SNRK: variants seen among roughly 807,000 people sequenced by gnomAD.
SNRK encodes the protein SNF-related serine/threonine-protein kinase.
SNRK carries 3 observed loss-of-function variants against 48.2 expected under a neutral mutation model. The ratio of observed to expected loss-of-function variants is 0.06; its 90% CI spans 0.03 to 0.16. The LOEUF is 0.16. SNRK is among the 10% of genes least tolerant of loss of function. The pLI is 1.00. For missense variants in SNRK, 627 were observed against 976.0 expected (o/e 0.64, Z 4.76); for synonymous variants, 376 against 366.1 (o/e 1.03, Z -0.31).
At chr3:43,338,378 T>A (rs2091207097) in intron 4 of SNRK, among the ~76,000 whole-genome samples, 2 of 152,266 alleles carry the variant, frequency 1.3e-5, no homozygotes, top group South Asian at 4.1e-4. Flanking sequence ...ACAGTTATTT[T>A]CTCTCAGCTC....
intron 3 of SNRK, among the ~76,000 whole-genome samples, chr3:43,328,086 T>C (rs1463886718): frequency 1.3e-5 from 2 of 152,156 alleles, no homozygotes; most frequent in African/African-American, 4.8e-5. Flanking sequence ...CTATATGATA[T>C]TTGATTCAGA....
intron 3 of SNRK, among the ~76,000 whole-genome samples, chr3:43,322,802 A>G (rs2091063933): frequency 6.6e-6 from 1 of 151,920 alleles, no homozygotes; most frequent in Non-Finnish European, 1.5e-5. Context: ...AATACAAAAA[A>G]TTAGCTGGGA....
Position 43,348,593 on chromosome 3 carries a change from T to C in SNRK, c.*36T>C. 6.7e-7 allele frequency: 1 copy of C among 1,500,872 alleles called. No homozygotes were observed. The highest frequency in any genetic ancestry group is 8.9e-7 in the Non-Finnish European group (1 of 1,129,736). The allele number at this position is 1,500,872 out of a possible 1,614,324, so 93.0% of individuals were successfully genotyped here. A position where few individuals can be genotyped will look rare whatever the true frequency, so the allele number is the denominator to read the frequency against. On this transcript the variant is annotated 3_prime_UTR_variant, in exon 7 of 7. Coordinates refer to ENST00000296088, the MANE Select transcript of SNRK (RefSeq NM_017719.5). ...ATCTGGCCGCTAGCACGCTTCCTGC[T>C]CAGAGCAGTGAAGACCGGCTCACTT...
Position 43,347,392 on chromosome 3 carries a change from C to G in SNRK, c.1133C>G (p.Thr378Arg), listed in dbSNP as rs377372127. The change falls in exon 7 of 7, where the codon ACG (threonine) becomes AGG (arginine). Residue 378 changes from threonine to arginine, a missense_variant. Around this residue, in one of 4 missense-constraint regions of SNRK, gnomAD observed 175 missense variants for 209.7 expected, o/e 0.83. Transcript: ENST00000296088. The surrounding 1 kb of genome is among the most constrained non-coding windows in gnomAD (Gnocchi z 5.4). ...CCCCAGGACCTTGAGGATGACCTCA[C>G]GGCCACTCCTTTGTCCCACGCGACT... is the stretch of plus-strand genomic sequence containing the variant. Reference protein sequence around the residue: ...DVPQDLEDDLTATPLSHATVP... With the variant: ...DVPQDLEDDLRATPLSHATVP... The G allele has an allele frequency of 9.9e-6, 16 of 1,610,038 alleles. No individual in the cohort carries two copies. The highest frequency in any genetic ancestry group is 1.4e-5 in the Non-Finnish European group (16 of 1,178,084).
intron 4 of SNRK, among the ~76,000 whole-genome samples, chr3:43,334,593 T>C (rs1203276706): frequency 6.6e-6 from 1 of 152,052 alleles, no homozygotes; most frequent in Non-Finnish European, 1.5e-5. Context: ...CAAGTATTTA[T>C]ATTATCTTTT....
chr3:43,339,170 A>G lies in SNRK; in HGVS notation c.732-1117A>G, dbSNP rs573912580. On this transcript the variant is annotated intron_variant, in intron 4 of 6. Transcript: ENST00000296088. ...GTGCTTCCAGCTGAAAGCACTATAAATTAACTTCTGTGTACCACACAGATA... is the reference window on the plus strand; with the variant it reads ...GTGCTTCCAGCTGAAAGCACTATAAGTTAACTTCTGTGTACCACACAGATA... Among the ~76,000 whole-genome samples, 6 of 152,340 alleles carry G rather than the reference A, an allele frequency of 3.9e-5. No individual in the cohort carries two copies. The South Asian group carries it at 1.2e-3, about 32-fold the overall frequency.
intron 3 of SNRK, among the ~76,000 whole-genome samples, chr3:43,306,049 AG>A (rs1416046131): frequency 6.6e-6 from 1 of 152,214 alleles, no homozygotes; most frequent in African/African-American, 2.4e-5. Context: ...ACTTTTAAAA[AG>A]CTATTAAAAA....
chr3:43,302,814 C>G (rs76994939), intron 2 of SNRK, among the ~76,000 whole-genome samples: 1 of 152,026 alleles, frequency 6.6e-6, no homozygotes, highest in Non-Finnish European at 1.5e-5. Flanking sequence ...ACATGCTTAT[C>G]AAACTTGCCA....
intron 3 of SNRK, among the ~76,000 whole-genome samples, chr3:43,326,725 C>T (rs1373855532): frequency 6.6e-6 from 1 of 152,000 alleles, no homozygotes; most frequent in Non-Finnish European, 1.5e-5. Context: ...TAGACTGTAC[C>T]CACCAGGGTA....
At chr3:43,308,496 T>C (rs2090955214) in intron 3 of SNRK, among the ~76,000 whole-genome samples, 1 of 152,114 alleles carries the variant, frequency 6.6e-6, no homozygotes, top group Admixed American at 6.5e-5. Context: ...ATTCAGAAAA[T>C]CCTAGGGCCA....
At chr3:43,336,254 C>T (rs539832886) in intron 4 of SNRK, among the ~76,000 whole-genome samples, 4 of 150,732 alleles carry the variant, frequency 2.7e-5, no homozygotes, top group East Asian at 2.0e-4. Context: ...CCCTTTCCTC[C>T]CCTCCTTACC....
intron 1 of SNRK, 58 bp from the exon 2 acceptor site, chr3:43,299,696 T>G (rs1214998164): frequency 6.6e-6 from 1 of 152,664 alleles, no homozygotes; most frequent in African/African-American, 2.4e-5. Flanking sequence ...ACTTTGACTT[T>G]AAGCAAAATT....
intron 4 of SNRK, among the ~76,000 whole-genome samples, chr3:43,337,272 G>A (rs983508689): frequency 2.0e-5 from 3 of 149,962 alleles, no homozygotes; most frequent in Non-Finnish European, 4.4e-5. Flanking sequence ...ATGGGGTTTC[G>A]CATTTTGCCC....
chr3:43,315,489 A>T (rs751273081), intron 3 of SNRK, among the ~76,000 whole-genome samples: 2 of 152,160 alleles, frequency 1.3e-5, no homozygotes, highest in Non-Finnish European at 2.9e-5. Context: ...TTTAACTTTT[A>T]TATTACTTCC....
rs1267114907 is a variant in SNRK, at chr3:43,322,959, A to AAAAAAAAAG, written c.590-9203_590-9202insAGAAAAAAA. On this transcript the variant is annotated intron_variant, in intron 3 of 6. Transcript: ENST00000296088. The stretch of plus-strand genomic sequence containing the variant: ...AGAGTAAGACTCCGTCTCAAAAAAA[A>AAAAAAAAAG]AAAAAAAGACTGTATTGGCAAAGGG... Among the ~76,000 whole-genome samples, 13 of 150,874 alleles carry AAAAAAAAAG rather than the reference A, an allele frequency of 8.6e-5. No individual in the cohort carries two copies. The East Asian group carries it at 2.5e-3, about 29-fold the overall frequency.
At chr3:43,307,725 C>T (rs2090949293) in intron 3 of SNRK, among the ~76,000 whole-genome samples, 1 of 152,134 alleles carries the variant, frequency 6.6e-6, no homozygotes, top group Non-Finnish European at 1.5e-5. Context: ...TCTTGGGCTT[C>T]CCTATTCTCT....
At chr3:43,315,491 A>G (rs1024354268) in intron 3 of SNRK, among the ~76,000 whole-genome samples, 4 of 152,134 alleles carry the variant, frequency 2.6e-5, no homozygotes, top group African/African-American at 7.2e-5. Context: ...TAACTTTTAT[A>G]TTACTTCCTC....
At chr3:43,335,730 T>G (rs1283838952) in intron 4 of SNRK, among the ~76,000 whole-genome samples, 1 of 152,222 alleles carries the variant, frequency 6.6e-6, no homozygotes, top group East Asian at 1.9e-4. Flanking sequence ...TTTGAGTGTT[T>G]TGAGGTAATG....
rs942198936 is a variant in SNRK at position 43,343,130 on chromosome 3, A to C, written c.945-214A>C. The C allele has an allele frequency of 2.5e-5, 13 of 521,646 alleles. No individual in the cohort carries two copies. The African/African-American group carries it at 2.6e-4, about 10-fold the overall frequency. 32.3% of individuals were successfully genotyped at this position (521,646 alleles called of 1,614,324 possible). On this transcript the variant is annotated intron_variant, in intron 5 of 6. Transcript: ENST00000296088. ...TTTCTCTCATTTACGAAAAATCTTC[A>C]TAAAAATATGAACATTTTTATGCAG...
Sources: allele counts gnomAD v4.1 joint callset (sites outside exome capture counted in the v4.1 genomes callset), GRCh38; gene constraint gnomAD v4.1.1; regional missense constraint gnomAD v4.1.1; non-coding constraint Gnocchi (gnomAD v3.1); transcripts MANE v1.5; gene names NCBI Gene and HGNC (gene_info 2026-07-23, HGNC 2026-07-21).